Variants in EXTL3 observed in about 807,000 individuals in gnomAD.
The protein encoded by EXTL3 is exostosin-like 3.
In EXTL3, 27 loss-of-function variants were observed where a neutral mutation model predicts 69.3. That is an observed-to-expected ratio of 0.39 (90% CI 0.29 to 0.54). The LOEUF (loss-of-function observed/expected upper bound fraction) is 0.54. EXTL3 is among the 20% of genes least tolerant of loss of function. EXTL3 has a pLI of 0.69. For missense variants in EXTL3, 1,003 were observed against 1,231.8 expected (o/e 0.81, Z 2.78); for synonymous variants, 511 against 499.4 (o/e 1.02, Z -0.31).
intron 1 of EXTL3, among the ~76,000 whole-genome samples, chr8:28,633,429 C>A (rs1806601478): frequency 6.6e-6 from 1 of 152,032 alleles, no homozygotes; most frequent in Non-Finnish European, 1.5e-5. Flanking sequence ...GTGGGCAGAT[C>A]ACTTGAGACC....
At chr8:28,744,940 G>A (rs1023201420) in intron 6 of EXTL3, among the ~76,000 whole-genome samples, 1 of 152,206 alleles carries the variant, frequency 6.6e-6, no homozygotes, top group African/African-American at 2.4e-5. Context: ...TCCAGCCTGG[G>A]TGACTGAGTG....
chr8:28,674,618 C>T (rs562779674), intron 1 of EXTL3, among the ~76,000 whole-genome samples: 37 of 152,310 alleles, frequency 2.4e-4, no homozygotes, highest in Non-Finnish European at 3.7e-4. Context: ...TGAATTACAA[C>T]GCAAGTTGAA....
At chr8:28,688,207 GC>G (rs1301899506) in intron 1 of EXTL3, among the ~76,000 whole-genome samples, 10 of 151,928 alleles carry the variant, frequency 6.6e-5, no homozygotes, top group African/African-American at 2.4e-4. Context: ...GATTACAGGT[GC>G]CTGCCACCAC....
chr8:28,640,418 G>A (rs1050909204), intron 1 of EXTL3, among the ~76,000 whole-genome samples: 1 of 152,106 alleles, frequency 6.6e-6, no homozygotes, highest in Non-Finnish European at 1.5e-5. Flanking sequence ...GTAAAATCTA[G>A]CACTAATTCA....
chr8:28,714,002 G>A (rs1198910368), intron 2 of EXTL3, among the ~76,000 whole-genome samples: 4 of 150,848 alleles, frequency 2.7e-5, no homozygotes, highest in Non-Finnish European at 5.9e-5. Context: ...CACCTCCCGG[G>A]TTCAGGCGAT....
At chr8:28,659,407 A>G (rs1421937425) in intron 1 of EXTL3, among the ~76,000 whole-genome samples, 1 of 152,174 alleles carries the variant, frequency 6.6e-6, no homozygotes, top group African/African-American at 2.4e-5. Flanking sequence ...ATCATTTGGG[A>G]GATTAAGCCA....
chr8:28,720,304 T>C (rs578092766), intron 3 of EXTL3, among the ~76,000 whole-genome samples: 2 of 152,278 alleles, frequency 1.3e-5, no homozygotes, highest in African/African-American at 4.8e-5. Context: ...TAAGGTTAAT[T>C]TTTATAAATT....
At chr8:28,668,791 A>T (rs1807238893) in intron 1 of EXTL3, among the ~76,000 whole-genome samples, 1 of 151,428 alleles carries the variant, frequency 6.6e-6, no homozygotes, top group South Asian at 2.1e-4. Flanking sequence ...AAGTTTACCT[A>T]GGCTTGGCAT....
At chr8:28,745,815 G>A (rs1250089374) in intron 6 of EXTL3, among the ~76,000 whole-genome samples, 2 of 152,224 alleles carry the variant, frequency 1.3e-5, no homozygotes, top group African/African-American at 4.8e-5. Context: ...CATCTCTTCA[G>A]TGCAGGTGGA....
chr8:28,655,489 CTTTTT>C (rs60021378), intron 1 of EXTL3, among the ~76,000 whole-genome samples: 1 of 131,000 alleles, frequency 7.6e-6, no homozygotes. Flanking sequence ...AAAAATCTTC[CTTTTT>C]TTTTTTTTTT....
In EXTL3 at chr8:28,652,007, C is replaced by T. The variant is rs551115046; in HGVS notation, c.-53+29197C>T. 4.5e-4 allele frequency among the ~76,000 whole-genome samples: 68 copies of T among 150,386 alleles called. 1 individual carries two copies. The highest frequency in any genetic ancestry group is 1.3e-4 in the Non-Finnish European group (9 of 67,734). ...AGCATGCATCAGAGCTTAATTTTGA[C>T]GGCTGAATAATATTCCATTGTGTGT... On this transcript the variant is annotated intron_variant, in intron 1 of 6. Transcript: ENST00000523149.
rs1001035315 is a variant in EXTL3 at position 28,750,995 on chromosome 8, A to AG, written c.*131dup. ...CAGAGCCTCTGCTGGAAGGGGCAGC[A>AG]GGAGGAGTGGAAGGAAACCGCTGCC... is the stretch of plus-strand genomic sequence containing the variant. On this transcript the variant is annotated 3_prime_UTR_variant, in exon 7 of 7. Coordinates refer to ENST00000220562, the MANE Select transcript of EXTL3 (RefSeq NM_001440.4). The surrounding 1 kb of genome is among the most constrained non-coding windows in gnomAD (Gnocchi z 5.2). 2 of 772,760 alleles carry AG rather than the reference A, an allele frequency of 2.6e-6. No homozygotes were observed. The allele number at this position is 772,760 out of a possible 1,614,324, so 47.9% of individuals were successfully genotyped here. A position where few individuals can be genotyped will look rare whatever the true frequency, so the allele number is the denominator to read the frequency against.
chr8:28,671,057 T>C (rs1051391808), intron 1 of EXTL3, among the ~76,000 whole-genome samples: 1 of 152,022 alleles, frequency 6.6e-6, no homozygotes, highest in African/African-American at 2.4e-5. Flanking sequence ...CTTGGCTCAC[T>C]GCAGCCTCCG....
chr8:28,754,458 A>G lies in EXTL3; in HGVS notation c.*3592A>G, dbSNP rs1802076404. On this transcript the variant is annotated 3_prime_UTR_variant, in exon 7 of 7. Transcript: ENST00000220562. ...AGTGGGGTTCACGACTGATCAGGCA[A>G]GTTTGCAGCAGCTGATGGGTGAGAT... 1 of 152,348 alleles carries G rather than the reference A, an allele frequency of 6.6e-6. No individual in the cohort carries two copies. The highest frequency in any genetic ancestry group is 2.4e-5 in the African/African-American group (1 of 41,446). The allele number at this position is 152,348 out of a possible 1,614,324, so 9.4% of individuals were successfully genotyped here.
rs548866454 is a variant in EXTL3, at chr8:28,751,901, A to C, written c.*1035A>C. The C allele has an allele frequency of 1.3e-5, 2 of 152,348 alleles. No homozygotes were observed. The highest frequency in any genetic ancestry group is 2.9e-5 in the Non-Finnish European group (2 of 68,116). 9.4% of individuals were successfully genotyped at this position (152,348 alleles called of 1,614,324 possible). A position where few individuals can be genotyped will look rare whatever the true frequency, so the allele number is the denominator to read the frequency against. Reference sequence around the variant, plus strand: ...GTTTGCAGGTCAGCCTCCTCTCCCTAGTGTAGAGCAAGCCAGTGTCCTTCG... The same window carrying C: ...GTTTGCAGGTCAGCCTCCTCTCCCTCGTGTAGAGCAAGCCAGTGTCCTTCG... On this transcript the variant is annotated 3_prime_UTR_variant, in exon 7 of 7. Transcript: ENST00000220562.
At chr8:28,648,620 T>TCCTC (rs951941657) in intron 1 of EXTL3, among the ~76,000 whole-genome samples, 6 of 152,136 alleles carry the variant, frequency 3.9e-5, no homozygotes, top group African/African-American at 9.6e-5. Flanking sequence ...AATTTCACTC[T>TCCTC]CCTCCCTCCC....
chr8:28,647,564 A>C (rs1490868855), intron 1 of EXTL3, among the ~76,000 whole-genome samples: 1 of 152,046 alleles, frequency 6.6e-6, no homozygotes, highest in Admixed American at 6.6e-5. Flanking sequence ...CCAGTGGAGC[A>C]GATGGTATTC....
At chr8:28,643,418 C>CTTTTTTTCTT (rs1357860835) in intron 1 of EXTL3, among the ~76,000 whole-genome samples, 4 of 100,258 alleles carry the variant, frequency 4.0e-5, no homozygotes, top group African/African-American at 9.2e-5. Flanking sequence ...CTTTTTTTTT[C>CTTTTTTTCTT]TTTTTTTCTT....
chr8:28,714,381 G>A (rs549162605), intron 2 of EXTL3, among the ~76,000 whole-genome samples: 1 of 152,292 alleles, frequency 6.6e-6, no homozygotes, highest in East Asian at 1.9e-4. Context: ...AAGGAGAGAA[G>A]ACTATTACAC....
Sources: gnomAD v4.1 joint callset for allele counts (sites outside exome capture counted in the v4.1 genomes callset) on GRCh38, gnomAD v4.1.1 for gene constraint, Gnocchi (gnomAD v3.1) non-coding constraint, MANE v1.5 for transcripts, NCBI Gene and HGNC (gene_info 2026-07-23, HGNC 2026-07-21) for gene names.